LGMN: variants seen among roughly 807,000 people sequenced by gnomAD.
The protein encoded by LGMN is asparaginyl endopeptidase.
LGMN carries 36 observed loss-of-function variants against 56.8 expected under a neutral mutation model. The observed-to-expected ratio is 0.63, with a 90% CI of 0.49 to 0.84. LGMN has a LOEUF of 0.84. Among genes scored for constraint, LGMN ranks in the 40% least tolerant of loss-of-function variants. The pLI is 0.00. For missense variants in LGMN, 446 were observed against 556.1 expected (o/e 0.80, Z 1.99); for synonymous variants, 199 against 210.1 (o/e 0.95, Z 0.46).
intron 2 of LGMN, among the ~76,000 whole-genome samples, chr14:92,721,379 A>C (rs1595544143): frequency 6.6e-6 from 1 of 152,320 alleles, no homozygotes; most frequent in Non-Finnish European, 1.5e-5. Context: ...TGGAGCCTCC[A>C]CTACAGCCAC....
chr14:92,715,960 A>G, intron 5 of LGMN, 176 bp downstream of exon 5: 1 of 465,832 alleles, frequency 2.1e-6, no homozygotes. Context: ...TGGGCCACCA[A>G]GAGAAGCCAC....
intron 11 of LGMN, among the ~76,000 whole-genome samples, chr14:92,707,222 C>A (rs1397976939): frequency 6.7e-6 from 1 of 148,918 alleles, no homozygotes; most frequent in Non-Finnish European, 1.5e-5. Flanking sequence ...GAAGACCCTG[C>A]CTCTATTAAA....
chr14:92,712,717 G>A (rs1889845733), intron 8 of LGMN, 88 bp downstream of exon 8: 1 of 1,291,092 alleles, frequency 7.7e-7, no homozygotes, highest in African/African-American at 1.5e-5. Context: ...AGCAGCCCCT[G>A]CTTACGGAGA....
At chr14:92,719,323 G>GCCACCGCCGCCACCGCCACCGCCA (rs1890320180) in intron 2 of LGMN, among the ~76,000 whole-genome samples, 2 of 41,636 alleles carry the variant, frequency 4.8e-5, no homozygotes, top group Admixed American at 2.6e-4. Context: ...CGCCGCCGCC[G>GCCACCGCCGCCACCGCCACCGCCA]CCACCGCCAC....
At chr14:92,719,170 A>G (rs1374567949) in intron 2 of LGMN, among the ~76,000 whole-genome samples, 51 of 126,918 alleles carry the variant, frequency 4.0e-4, no homozygotes, top group Middle Eastern at 3.8e-3. Context: ...CACCACCACC[A>G]CCACCACCAC....
rs1193249216 is a variant in LGMN at position 92,714,051 on chromosome 14, G to A, written c.481-166C>T. 3.3e-5 allele frequency among the ~76,000 whole-genome samples: 5 copies of A among 152,130 alleles called. No homozygotes were observed. The East Asian group carries it at 5.8e-4, about 18-fold the overall frequency. On this transcript the variant is annotated intron_variant, in intron 6 of 13. Coordinates refer to ENST00000334869, the MANE Select transcript of LGMN (RefSeq NM_005606.7). The surrounding 1 kb of genome is among the most constrained non-coding windows in gnomAD (Gnocchi z 5.1). ...GAATGTCGTCACATGTTTTATGCAC[G>A]CATTTAAAAAGGGCAAGAGGATGTA...
In LGMN at chr14:92,709,872, T is replaced by C. The variant is rs1889661567; in HGVS notation, c.820A>G (p.Thr274Ala). ...TSHVMQYGNK[T>A]ISTMKVMQFQ... ...TGCATCACTTTCATGGTGGAGATTG[T>C]CTGGGGAGACAGACAGCAAGAGAGA... The change falls in exon 11 of 14, where the codon ACA (threonine) becomes GCA (alanine). Residue 274 changes from threonine to alanine, a missense_variant and splice_region_variant. Transcript: ENST00000334869. 1 of 1,598,708 alleles carries C rather than the reference T, an allele frequency of 6.3e-7. No homozygotes were observed. Among genetic ancestry groups the C allele is most frequent in the Non-Finnish European group, 8.5e-7 (1 of 1,170,982 alleles).
intron 1 of LGMN, among the ~76,000 whole-genome samples, chr14:92,738,314 G>A (rs1283904732): frequency 6.7e-6 from 1 of 149,112 alleles, no homozygotes; most frequent in African/African-American, 2.5e-5. Context: ...AGTCTTGCTC[G>A]GTTGCCCAGG....
intron 2 of LGMN, among the ~76,000 whole-genome samples, chr14:92,731,177 C>G (rs1242270440): frequency 1.3e-5 from 2 of 152,132 alleles, no homozygotes; most frequent in African/African-American, 4.8e-5. Flanking sequence ...AACCCCACTG[C>G]AGGAGTTAAA....
At chr14:92,710,117 T>A (rs1889682544) in intron 10 of LGMN, among the ~76,000 whole-genome samples, 1 of 152,194 alleles carries the variant, frequency 6.6e-6, no homozygotes, top group South Asian at 2.1e-4. Flanking sequence ...CGGGAGCCCC[T>A]GAAATCTACC....
chr14:92,720,195 A>G (rs1890387799), intron 2 of LGMN, among the ~76,000 whole-genome samples: 1 of 152,232 alleles, frequency 6.6e-6, no homozygotes, highest in Non-Finnish European at 1.5e-5. Flanking sequence ...AAACATTTTT[A>G]TTGACTTGCT....
At chr14:92,725,339 A>G (rs1890688887) in intron 2 of LGMN, among the ~76,000 whole-genome samples, 1 of 152,192 alleles carries the variant, frequency 6.6e-6, no homozygotes, top group Non-Finnish European at 1.5e-5. Context: ...ACTTGAGCCC[A>G]GGAGTTTGAG....
intron 3 of LGMN, 68 bp downstream of exon 3, chr14:92,718,679 G>A (rs1890195066): frequency 3.0e-6 from 3 of 1,003,546 alleles, no homozygotes; most frequent in Admixed American, 1.7e-5. Context: ...ATTCCTGTGA[G>A]TCTATGTGAC....
At chr14:92,706,164 C>T (rs569629413) in intron 12 of LGMN, among the ~76,000 whole-genome samples, 23 of 152,128 alleles carry the variant, frequency 1.5e-4, no homozygotes, top group Admixed American at 4.6e-4. Context: ...GTGTGTGGCT[C>T]GTGTGAGGGG....
At chr14:92,719,143 ACCACCACCGCCACTG>A (rs1473115785) in intron 2 of LGMN, among the ~76,000 whole-genome samples, 6 of 120,838 alleles carry the variant, frequency 5.0e-5, no homozygotes, top group South Asian at 3.1e-4. Flanking sequence ...CGCCACCGCC[ACCACCACCGCCACTG>A]CCACCACCAC....
At chr14:92,746,240 G>A (rs1038388577) in intron 1 of LGMN, among the ~76,000 whole-genome samples, 3 of 152,154 alleles carry the variant, frequency 2.0e-5, no homozygotes, top group Non-Finnish European at 4.4e-5. Context: ...TGGATTACAA[G>A]AAAATTTGAG....
chr14:92,744,592 T>C (rs1159162365), intron 1 of LGMN, among the ~76,000 whole-genome samples: 3 of 149,908 alleles, frequency 2.0e-5, no homozygotes, highest in African/African-American at 5.0e-5. Context: ...AATTATCCTT[T>C]AGTTTTTTTT....
chr14:92,719,183 T>C (rs866966857), intron 2 of LGMN, among the ~76,000 whole-genome samples: 1,652 of 21,666 alleles, frequency 0.076, 31 homozygotes, highest in African/African-American at 0.13. Flanking sequence ...ACCACCACCA[T>C]CACCACCACC....
chr14:92,717,416 A>G lies in LGMN; in HGVS notation c.282T>C (p.Asp94=). The G allele has an allele frequency of 6.2e-7, 1 of 1,613,712 alleles. No individual in the cohort carries two copies. The highest frequency in any genetic ancestry group is 8.5e-7 in the Non-Finnish European group (1 of 1,179,630). ...GIVINRPNGT[D]VYQGVPKDYT... ...AGTCCTTCGGGACTCCCTGATAGAC[A>G]TCTGTGCCATTGGGCCTGTTGATCA... is the stretch of plus-strand genomic sequence containing the variant. The change falls in exon 4 of 14, where the codon GAT becomes GAC. Residue 94 remains aspartate (D), a synonymous_variant. Coordinates refer to ENST00000334869, the MANE Select transcript of LGMN (RefSeq NM_005606.7).
Sources: allele counts gnomAD v4.1 joint callset (sites outside exome capture counted in the v4.1 genomes callset), GRCh38; gene constraint gnomAD v4.1.1; non-coding constraint Gnocchi (gnomAD v3.1); transcripts MANE v1.5; gene names NCBI Gene and HGNC (gene_info 2026-07-23, HGNC 2026-07-21).